TTC28: variants seen among roughly 807,000 people sequenced by gnomAD.
TTC28 encodes the protein tetratricopeptide repeat protein 28.
Under a neutral mutation model 198.0 loss-of-function variants are expected in TTC28, and 61 were observed. That is an observed-to-expected ratio of 0.31 (90% CI 0.25 to 0.38). TTC28 has a LOEUF of 0.38. TTC28 is among the 10% of genes least tolerant of loss of function. The pLI is 1.00. For synonymous variants in TTC28, 1,171 were observed against 1,297.8 expected (o/e 0.90, Z 2.10); for missense variants, 2,678 against 3,164.0 (o/e 0.85, Z 3.69).
At chr22:28,283,313 TTC>T (rs2044619564) in intron 5 of TTC28, among the ~76,000 whole-genome samples, 1 of 131,200 alleles carries the variant, frequency 7.6e-6, no homozygotes, top group South Asian at 3.0e-4. Context: ...CTCAACTACA[TTC>T]TTTCTCTCTT....
At chr22:28,234,032 G>C (rs577111629) in intron 5 of TTC28, among the ~76,000 whole-genome samples, 1 of 151,490 alleles carries the variant, frequency 6.6e-6, no homozygotes, top group South Asian at 2.1e-4. Flanking sequence ...TCAGCCTCCC[G>C]AGTAGCTGGG....
intron 5 of TTC28, among the ~76,000 whole-genome samples, chr22:28,293,235 G>C (rs2044821286): frequency 6.6e-6 from 1 of 152,128 alleles, no homozygotes; most frequent in African/African-American, 2.4e-5. Flanking sequence ...AAGTGTAAAG[G>C]AGTTATAGCT....
chr22:28,212,348 T>C (rs776081301), intron 5 of TTC28, among the ~76,000 whole-genome samples: 1 of 150,956 alleles, frequency 6.6e-6, no homozygotes. Flanking sequence ...GCTGGTTTTT[T>C]GAAAAGATCA....
intron 11 of TTC28, among the ~76,000 whole-genome samples, chr22:28,095,430 G>A (rs530236336): frequency 1.7e-4 from 26 of 151,002 alleles, no homozygotes; most frequent in African/African-American, 5.1e-4. Flanking sequence ...GTCAATTCTC[G>A]CTGGCAGTTA....
At chr22:28,642,246 A>G (rs1232416487) in intron 1 of TTC28, among the ~76,000 whole-genome samples, 2 of 151,910 alleles carry the variant, frequency 1.3e-5, no homozygotes, top group Non-Finnish European at 2.9e-5. Context: ...AGGAAAGGGA[A>G]CATTAAAACA....
intron 2 of TTC28, among the ~76,000 whole-genome samples, chr22:28,621,862 T>C (rs959962887): frequency 1.3e-5 from 2 of 152,000 alleles, no homozygotes; most frequent in Non-Finnish European, 2.9e-5. Flanking sequence ...CTTAAATGTA[T>C]GAGACTAGCT....
intron 6 of TTC28, among the ~76,000 whole-genome samples, chr22:28,140,438 T>A (rs1943304760): frequency 6.6e-6 from 1 of 152,210 alleles, no homozygotes; most frequent in African/African-American, 2.4e-5. Context: ...GCTGTCCACA[T>A]CAATCCCACT....
At chr22:28,470,096 C>G (rs1232910695) in intron 2 of TTC28, among the ~76,000 whole-genome samples, 1 of 152,146 alleles carries the variant, frequency 6.6e-6, no homozygotes, top group East Asian at 1.9e-4. Context: ...CCTCCTGCCT[C>G]GACCTCTCAA....
chr22:27,999,448 A>C, intron 15 of TTC28, 188 bp from the exon 16 acceptor site: 1 of 853,054 alleles, frequency 1.2e-6, no homozygotes, highest in Non-Finnish European at 1.8e-6. Context: ...CTTACTGAGA[A>C]TCATGCCTGC....
intron 1 of TTC28, among the ~76,000 whole-genome samples, chr22:28,659,648 A>G (rs1356026996): frequency 6.6e-6 from 1 of 152,018 alleles, no homozygotes; most frequent in Admixed American, 6.6e-5. Context: ...TGCAATCCCA[A>G]CTACTTAGGA....
chr22:28,166,649 A>C (rs1203242097), intron 5 of TTC28, among the ~76,000 whole-genome samples: 1 of 152,246 alleles, frequency 6.6e-6, no homozygotes, highest in Non-Finnish European at 1.5e-5. Flanking sequence ...AACATGCCAG[A>C]ATCTCTGGGA....
At chr22:28,470,038 C>G (rs895240253) in intron 2 of TTC28, among the ~76,000 whole-genome samples, 2 of 151,998 alleles carry the variant, frequency 1.3e-5, no homozygotes, top group African/African-American at 4.8e-5. Context: ...CAGATGGGGT[C>G]TTGCTATGTT....
rs74874029 is a variant in TTC28 at position 28,025,485 on chromosome 22, T to C, written c.4073+4741A>G. Reference sequence around the variant, plus strand: ...AGACAAAGGCCTAGACCTAGGAAGATAGTGATCAGCAGATGGCCGGCCTAC... The same window carrying C: ...AGACAAAGGCCTAGACCTAGGAAGACAGTGATCAGCAGATGGCCGGCCTAC... On this transcript the variant is annotated intron_variant, in intron 13 of 22. Coordinates refer to ENST00000397906, the MANE Select transcript of TTC28 (RefSeq NM_001145418.2). Among the ~76,000 whole-genome samples, 1,447 of 152,224 alleles carry C rather than the reference T, an allele frequency of 9.5e-3. 23 individuals carry two copies. The highest frequency in any genetic ancestry group is 0.032 in the African/African-American group (1,330 of 41,530).
intron 6 of TTC28, among the ~76,000 whole-genome samples, chr22:28,119,726 C>A (rs1337790151): frequency 6.6e-6 from 1 of 152,208 alleles, no homozygotes; most frequent in Non-Finnish European, 1.5e-5. Context: ...ACGACAATAG[C>A]ACCACATTGA....
intron 8 of TTC28, 140 bp downstream of exon 8, chr22:28,105,139 C>A: frequency 2.3e-6 from 2 of 864,582 alleles, no homozygotes; most frequent in South Asian, 3.6e-5. Context: ...TGGAGTTGAA[C>A]TGACAATGTG....
chr22:28,189,561 T>TG (rs1456766023), intron 5 of TTC28, among the ~76,000 whole-genome samples: 6 of 145,874 alleles, frequency 4.1e-5, no homozygotes, highest in Non-Finnish European at 9.0e-5. Flanking sequence ...TTCTACGCAA[T>TG]GAAAAAAAAA....
At chr22:28,203,595 C>A (rs1261525621) in intron 5 of TTC28, among the ~76,000 whole-genome samples, 1 of 152,056 alleles carries the variant, frequency 6.6e-6, no homozygotes, top group African/African-American at 2.4e-5. Flanking sequence ...CAGAATTAAA[C>A]TACCAATTCT....
intron 2 of TTC28, among the ~76,000 whole-genome samples, chr22:28,522,505 C>T (rs1033942011): frequency 7.0e-6 from 1 of 142,524 alleles, no homozygotes; most frequent in African/African-American, 2.6e-5. Flanking sequence ...AAAAAAAAAA[C>T]TGAGACACAG....
At chr22:28,457,030 A>G (rs1308778138) in intron 2 of TTC28, among the ~76,000 whole-genome samples, 2 of 152,370 alleles carry the variant, frequency 1.3e-5, no homozygotes, top group South Asian at 2.1e-4. Flanking sequence ...GATGCTATGA[A>G]TTTATTATAA....
Sources: gnomAD v4.1 joint callset for allele counts (sites outside exome capture counted in the v4.1 genomes callset) on GRCh38, gnomAD v4.1.1 for gene constraint, MANE v1.5 for transcripts, NCBI Gene and HGNC (gene_info 2026-07-23, HGNC 2026-07-21) for gene names.